MECOM: variants seen among roughly 807,000 people sequenced by gnomAD.
MECOM encodes the protein histone-lysine N-methyltransferase MECOM.
A neutral mutation model predicts 116.3 loss-of-function variants in MECOM; 13 were observed. The ratio of observed to expected loss-of-function variants is 0.11; its 90% CI spans 0.07 to 0.18. The LOEUF (loss-of-function observed/expected upper bound fraction) is 0.18. Ranked by LOEUF, MECOM falls within the 10% of genes least tolerant of loss-of-function variation. The pLI, the probability that MECOM is intolerant of heterozygous loss-of-function variation, is 1.00. For synonymous variants in MECOM, 528 were observed against 535.2 expected, an observed-to-expected ratio of 0.99 and a Z score of 0.19; for missense variants, 1,299 against 1,509.0, an observed-to-expected ratio of 0.86 and a Z score of 2.31.
intron 10 of MECOM, among the ~76,000 whole-genome samples, chr3:169,104,422 T>C (rs1284176042): frequency 6.6e-6 from 1 of 152,200 alleles, no homozygotes; most frequent in Non-Finnish European, 1.5e-5. Context: ...CAGCAAGAAA[T>C]AAGTTTTCTG....
intron 2 of MECOM, among the ~76,000 whole-genome samples, chr3:169,371,528 C>G (rs1480173836): frequency 6.6e-6 from 1 of 151,496 alleles, no homozygotes; most frequent in Admixed American, 6.6e-5. Context: ...CACACACACA[C>G]ACACACTCAC....
rs549316441 is a variant in MECOM, at chr3:169,127,103, A to G, written c.830+741T>C. ...AACAAAAAAACCCATTAACTGTTCT[A>G]AACTGTTCTAATCTTAAAGACCATT... On this transcript the variant is annotated intron_variant, in intron 5 of 16. Transcript: ENST00000651503. 2.0e-5 allele frequency among the ~76,000 whole-genome samples: 3 copies of G among 152,230 alleles called. No individual in the cohort carries two copies. The East Asian group carries it at 5.8e-4, about 29-fold the overall frequency.
chr3:169,572,856 A>T (rs1170728699), intron 1 of MECOM, among the ~76,000 whole-genome samples: 1 of 152,146 alleles, frequency 6.6e-6, no homozygotes, highest in Non-Finnish European at 1.5e-5. Context: ...GAGGGATAGC[A>T]TTGGGAGAAA....
intron 1 of MECOM, among the ~76,000 whole-genome samples, chr3:169,401,106 C>G (rs1735819782): frequency 6.6e-6 from 1 of 152,196 alleles, no homozygotes. Context: ...GCTTTAATAA[C>G]CTATGGGGTC....
At chr3:169,562,106 A>T (rs1762700026) in intron 1 of MECOM, among the ~76,000 whole-genome samples, 1 of 129,816 alleles carries the variant, frequency 7.7e-6, no homozygotes. Context: ...AGATTGCTCC[A>T]CTGCACTCCA....
intron 2 of MECOM, among the ~76,000 whole-genome samples, chr3:169,159,913 G>A (rs146394591): frequency 1.3e-5 from 2 of 152,208 alleles, no homozygotes; most frequent in African/African-American, 4.8e-5. Context: ...ATGAAATGAG[G>A]TAATCCATGC....
chr3:169,086,857 C>G (rs1398364473), intron 16 of MECOM, among the ~76,000 whole-genome samples: 8 of 152,064 alleles, frequency 5.3e-5, no homozygotes, highest in Non-Finnish European at 1.5e-5. Context: ...AGCATCTGAG[C>G]CTTTAGATTC....
chr3:169,193,502 A>G (rs1025906105), intron 2 of MECOM, among the ~76,000 whole-genome samples: 1 of 151,932 alleles, frequency 6.6e-6, no homozygotes, highest in Non-Finnish European at 1.5e-5. Flanking sequence ...TTCCTATCCC[A>G]AAATATCTTA....
intron 1 of MECOM, among the ~76,000 whole-genome samples, chr3:169,616,062 A>G (rs1769957369): frequency 6.6e-6 from 1 of 152,126 alleles, no homozygotes; most frequent in Admixed American, 6.5e-5. Flanking sequence ...GCAGAGGGGG[A>G]GTCGCTGTCA....
intron 11 of MECOM, among the ~76,000 whole-genome samples, chr3:169,101,566 A>G (rs1723551875): frequency 1.2e-4 from 2 of 16,906 alleles, no homozygotes; most frequent in South Asian, 5.1e-3. Context: ...AGCACAATTT[A>G]TTTAGCAAAA....
intron 1 of MECOM, among the ~76,000 whole-genome samples, chr3:169,489,978 T>C (rs576027158): frequency 6.6e-6 from 1 of 152,246 alleles, no homozygotes; most frequent in African/African-American, 2.4e-5. Flanking sequence ...AGAGATGACC[T>C]TGCAATGTAT....
At chr3:169,389,626 T>G in intron 1 of MECOM, 1 of 981,424 alleles carries the variant, frequency 1.0e-6, no homozygotes, top group Non-Finnish European at 1.2e-6. Flanking sequence ...CAGATTCATT[T>G]AGAGGAAAGT....
intron 2 of MECOM, among the ~76,000 whole-genome samples, chr3:169,333,237 G>A (rs978743): frequency 0.024 from 3,597 of 152,248 alleles, 83 homozygotes; most frequent in East Asian, 0.073. Flanking sequence ...ACATGATGGG[G>A]AGGGGTGTGG....
At chr3:169,180,954 T>C (rs967935152) in intron 2 of MECOM, among the ~76,000 whole-genome samples, 86 of 151,796 alleles carry the variant, frequency 5.7e-4, no homozygotes, top group African/African-American at 2.0e-3. Flanking sequence ...ACTTAAATTA[T>C]GTAGGAAGTG....
chr3:169,506,191 A>G (rs527946428), intron 1 of MECOM, among the ~76,000 whole-genome samples: 13 of 152,406 alleles, frequency 8.5e-5, no homozygotes, highest in African/African-American at 2.9e-4. Flanking sequence ...TCAACAAAGC[A>G]GAAAAATTTG....
At chr3:169,140,110 C>T (rs988187987) in intron 3 of MECOM, among the ~76,000 whole-genome samples, 4 of 151,860 alleles carry the variant, frequency 2.6e-5, no homozygotes, top group Non-Finnish European at 5.9e-5. Context: ...AGGACCTAGT[C>T]TGGAAAGAGA....
intron 1 of MECOM, among the ~76,000 whole-genome samples, chr3:169,582,758 G>A (rs1012561641): frequency 2.6e-5 from 4 of 152,196 alleles, no homozygotes; most frequent in Admixed American, 1.3e-4. Context: ...GACCAGCTGC[G>A]TCAGGAAGCA....
chr3:169,250,388 G>C (rs1293733005), intron 2 of MECOM, among the ~76,000 whole-genome samples: 5 of 152,170 alleles, frequency 3.3e-5, no homozygotes. Context: ...TTTGTTAACT[G>C]TAACTTCTCC....
At position 169,378,427 on chromosome 3, in the gene MECOM, A is replaced by G. The variant is rs1218506333; in HGVS notation, c.375+2760T>C. Among the ~76,000 whole-genome samples the G allele has an allele frequency of 2.1e-3, 162 of 76,558 alleles. 2 individuals carry two copies. Among genetic ancestry groups the G allele is most frequent in the African/African-American group, 0.014 (159 of 11,124 alleles). The allele number at this position is 76,558 out of a possible 152,430, so 50.2% of individuals were successfully genotyped here. On this transcript the variant is annotated intron_variant, in intron 2 of 16. Coordinates refer to ENST00000651503, the MANE Select transcript of MECOM (RefSeq NM_004991.4). ...AAAGAAAGAAAGAAAGAAAGAAAGA[A>G]AGAAAGAAAGAAAGAAAGAAAGAAG...
Sources: gnomAD v4.1 joint callset for allele counts (sites outside exome capture counted in the v4.1 genomes callset) on GRCh38, gnomAD v4.1.1 for gene constraint, MANE v1.5 for transcripts, NCBI Gene and HGNC (gene_info 2026-07-23, HGNC 2026-07-21) for gene names.